Variants in HACL1 observed in about 807,000 individuals in gnomAD.
HACL1 encodes the protein 2-hydroxyacyl-CoA lyase 1, also known as 1600020H07Rik.
In HACL1, 64 loss-of-function variants were observed where a neutral mutation model predicts 74.2. The ratio of observed to expected loss-of-function variants is 0.86; its 90% CI spans 0.70 to 1.06. HACL1 has a LOEUF of 1.06. HACL1 is among the 50% of genes least tolerant of loss of function. The pLI, the probability that HACL1 is intolerant of heterozygous loss-of-function variation, is 0.00. For missense variants in HACL1, 728 were observed against 719.7 expected (o/e 1.01, Z -0.13); for synonymous variants, 230 against 238.8 (o/e 0.96, Z 0.34).
At chr3:15,595,128 CAAAA>C (rs887646334) in intron 3 of HACL1, among the ~76,000 whole-genome samples, 1 of 142,354 alleles carries the variant, frequency 7.0e-6, no homozygotes, top group Non-Finnish European at 1.5e-5. Context: ...GACTCCATCT[CAAAA>C]AAAAAAAAGT....
chr3:15,596,733 C>A (rs897614589), intron 2 of HACL1, among the ~76,000 whole-genome samples: 2 of 151,794 alleles, frequency 1.3e-5, no homozygotes, highest in Non-Finnish European at 2.9e-5. Context: ...TTCTTTTATT[C>A]TTCATCAGTC....
intron 5 of HACL1, among the ~76,000 whole-genome samples, chr3:15,587,073 T>G (rs2063808274): frequency 6.6e-6 from 1 of 152,224 alleles, no homozygotes; most frequent in Non-Finnish European, 1.5e-5. Context: ...CTATGGTGTT[T>G]CGAATATATG....
intron 8 of HACL1, among the ~76,000 whole-genome samples, chr3:15,581,721 T>C (rs1241969913): frequency 6.6e-6 from 1 of 152,158 alleles, no homozygotes; most frequent in Non-Finnish European, 1.5e-5. Context: ...CACCTCAACC[T>C]CTCTGTACAC....
Position 15,570,409 on chromosome 3 carries a change from C to A in HACL1, c.1095+1259G>T, listed in dbSNP as rs73148169. ...ATCAATTCTGCTATAATGTTTGATG[C>A]GAAAATGTGAATTTATTCTAAGACA... On this transcript the variant is annotated intron_variant, in intron 12 of 16. Coordinates refer to ENST00000321169, the MANE Select transcript of HACL1 (RefSeq NM_012260.4). Among the ~76,000 whole-genome samples, 828 of 151,220 alleles carry A rather than the reference C, an allele frequency of 5.5e-3. 6 individuals are homozygous for A. The highest frequency in any genetic ancestry group is 0.018 in the African/African-American group (759 of 41,178).
rs1277214989 is a variant in HACL1, at chr3:15,564,590, G to T, written c.1478C>A (p.Thr493Asn). The T allele has an allele frequency of 6.4e-7, 1 of 1,563,952 alleles. No homozygotes were observed. Among genetic ancestry groups the T allele is most frequent in the Admixed American group, 1.7e-5 (1 of 58,740 alleles). The change falls in exon 15 of 17, where the codon ACT (threonine) becomes AAT (asparagine). Residue 493 changes from threonine (T) to asparagine (N), a missense_variant. By Grantham distance (65) the Thr-to-Asn change is moderately conservative (BLOSUM62 0). Coordinates refer to ENST00000321169, the MANE Select transcript of HACL1 (RefSeq NM_012260.4). Reference sequence around the variant, plus strand: ...TTGAAATTTTAACATTTCTTTCCAAGTATCTGTATCAAAACCTTGGTAAAT... The same window carrying T: ...TTGAAATTTTAACATTTCTTTCCAATTATCTGTATCAAAACCTTGGTAAAT... ...NGIYQGFDTDTWKEMLKFQDA... is the reference protein window; with the variant it reads ...NGIYQGFDTDNWKEMLKFQDA...
intron 14 of HACL1, 52 bp downstream of exon 14, chr3:15,567,792 C>A: frequency 6.5e-7 from 1 of 1,534,222 alleles, no homozygotes; most frequent in South Asian, 1.1e-5. Context: ...TCTTGTGTGT[C>A]ATTTTTCATA....
chr3:15,592,083 T>C (rs1400617534), intron 3 of HACL1, among the ~76,000 whole-genome samples: 1 of 121,386 alleles, frequency 8.2e-6, no homozygotes, highest in Non-Finnish European at 1.7e-5. Context: ...CGTATACGTA[T>C]ATATACACAC....
chr3:15,567,095 C>G (rs114334321), intron 14 of HACL1, among the ~76,000 whole-genome samples: 2 of 151,714 alleles, frequency 1.3e-5, no homozygotes, highest in African/African-American at 2.4e-5. Context: ...GTTGGGATTA[C>G]GGGCATGAGC....
intron 2 of HACL1, among the ~76,000 whole-genome samples, chr3:15,596,723 T>G (rs2125293588): frequency 6.6e-6 from 1 of 152,314 alleles, no homozygotes; most frequent in South Asian, 2.1e-4. Flanking sequence ...TTTGTTTTCT[T>G]TCTTTTATTC....
intron 9 of HACL1, 25 bp from the exon 10 acceptor site, chr3:15,575,107 T>C (rs1283373858): frequency 9.3e-7 from 1 of 1,075,988 alleles, no homozygotes; most frequent in African/African-American, 1.5e-5. Flanking sequence ...GATATGAAAG[T>C]ATAACTACAT....
Position 15,601,187 on chromosome 3 carries a change from T to TG in HACL1, c.88_89insC (p.Glu30AlafsTer31). ...GATGCCTACGATGCCAAATATGTAC[T>TG]CCACATCCTGAGGAACGAAGAACAG... is the stretch of plus-strand genomic sequence containing the variant. On this transcript the variant is annotated frameshift_variant, in exon 2 of 17. Coordinates refer to ENST00000321169, the MANE Select transcript of HACL1 (RefSeq NM_012260.4). LOFTEE classifies it high-confidence loss of function. 1.2e-6 allele frequency: 2 copies of TG among 1,611,356 alleles called. No homozygotes were observed. Among genetic ancestry groups the TG allele is most frequent in the Non-Finnish European group, 1.7e-6 (2 of 1,177,466 alleles).
At chr3:15,564,699 T>G in intron 14 of HACL1, 41 bp from the exon 15 acceptor site, 1 of 799,332 alleles carries the variant, frequency 1.3e-6, no homozygotes, top group Non-Finnish European at 2.0e-6. Flanking sequence ...ATTCTTCATT[T>G]TAAAGTAATT....
At chr3:15,597,247 G>A (rs542343520) in intron 2 of HACL1, among the ~76,000 whole-genome samples, 1 of 152,174 alleles carries the variant, frequency 6.6e-6, no homozygotes, top group African/African-American at 2.4e-5. Flanking sequence ...ATTTCCAAAG[G>A]TCTGAGATTC....
intron 16 of HACL1, among the ~76,000 whole-genome samples, chr3:15,562,479 C>T (rs2063359650): frequency 6.6e-6 from 1 of 152,112 alleles, no homozygotes; most frequent in South Asian, 2.1e-4. Context: ...ATTTATATTT[C>T]ATTGATTATC....
intron 2 of HACL1, among the ~76,000 whole-genome samples, chr3:15,599,067 A>T (rs1390643547): frequency 1.3e-5 from 2 of 152,256 alleles, no homozygotes; most frequent in Non-Finnish European, 2.9e-5. Flanking sequence ...CCTTCAGGAC[A>T]GCTCAGACAT....
At chr3:15,588,928 C>A (rs1246912810) in intron 5 of HACL1, among the ~76,000 whole-genome samples, 2 of 152,062 alleles carry the variant, frequency 1.3e-5, no homozygotes, top group Non-Finnish European at 2.9e-5. Context: ...AGTCCAAAAT[C>A]ATTTTTATTC....
chr3:15,592,029 ATACG>A (rs2125278920), intron 3 of HACL1, among the ~76,000 whole-genome samples: 1 of 130,510 alleles, frequency 7.7e-6, no homozygotes, highest in African/African-American at 3.3e-5. Context: ...CACACACTAC[ATACG>A]TATATATACA....
intron 5 of HACL1, among the ~76,000 whole-genome samples, chr3:15,589,145 C>CT: frequency 6.6e-6 from 1 of 152,182 alleles, no homozygotes; most frequent in African/African-American, 2.4e-5. Context: ...AAACAGGAGG[C>CT]TTTTTTATAT....
At chr3:15,575,488 G>A (rs892863143) in intron 9 of HACL1, among the ~76,000 whole-genome samples, 1 of 151,944 alleles carries the variant, frequency 6.6e-6, no homozygotes, top group Non-Finnish European at 1.5e-5. Flanking sequence ...TGTTTTCTAC[G>A]CAAATACATT....
Sources: allele counts gnomAD v4.1 joint callset (sites outside exome capture counted in the v4.1 genomes callset), GRCh38; gene constraint gnomAD v4.1.1; transcripts MANE v1.5; gene names NCBI Gene and HGNC (gene_info 2026-07-23, HGNC 2026-07-21).